Variants in MTFR1 observed in about 807,000 individuals in gnomAD.
MTFR1 encodes the protein chondrocyte protein with a poly-proline region.
Under a neutral mutation model 38.8 loss-of-function variants are expected in MTFR1, and 28 were observed. The ratio of observed to expected loss-of-function variants is 0.72; its 90% confidence interval spans 0.53 to 0.99. The LOEUF (loss-of-function observed/expected upper bound fraction) is 0.99. Among genes scored for constraint, MTFR1 ranks in the 50% least tolerant of loss-of-function variants. The pLI is 0.00. For missense variants in MTFR1, 358 were observed against 395.5 expected (o/e 0.91, Z 0.81); for synonymous variants, 145 against 137.0 (o/e 1.06, Z -0.41).
chr8:65,647,864 A>G (rs1024973957), intron 1 of MTFR1, among the ~76,000 whole-genome samples: 3 of 152,120 alleles, frequency 2.0e-5, no homozygotes, highest in Non-Finnish European at 4.4e-5. Flanking sequence ...GATGGGGAAA[A>G]GGTGATAACA....
At chr8:65,736,230 G>A (rs1807122670) in intron 3 of MTFR1, among the ~76,000 whole-genome samples, 2 of 152,128 alleles carry the variant, frequency 1.3e-5, no homozygotes, top group African/African-American at 4.8e-5. Context: ...ATACCAACAT[G>A]GCTGATCTGA....
In MTFR1 at chr8:65,670,095, T is replaced by C. The variant is rs953850582; in HGVS notation, c.66+77T>C. Reference sequence around the variant, plus strand: ...ATTTTTTCTGAGAAAATGAAATAAATCTATATATGACCAACATCTTGAATT... The same window carrying C: ...ATTTTTTCTGAGAAAATGAAATAAACCTATATATGACCAACATCTTGAATT... On this transcript the variant is annotated intron_variant, in intron 2 of 7. Transcript: ENST00000262146. 9 of 1,236,076 alleles carry C rather than the reference T, an allele frequency of 7.3e-6. No homozygotes were observed. In the South Asian group the frequency reaches 1.2e-4, roughly 17 times the overall value. 76.6% of individuals were successfully genotyped at this position (1,236,076 alleles called of 1,614,324 possible). A position where few individuals can be genotyped will look rare whatever the true frequency, so the allele number is the denominator to read the frequency against.
intron 3 of MTFR1, among the ~76,000 whole-genome samples, chr8:65,758,882 T>G (rs192371715): frequency 6.6e-6 from 1 of 152,290 alleles, no homozygotes; most frequent in Non-Finnish European, 1.5e-5. Context: ...CCAGCATCAG[T>G]CTCACTTGCC....
intron 3 of MTFR1, among the ~76,000 whole-genome samples, chr8:65,730,476 A>C (rs2128895237): frequency 1.3e-5 from 2 of 152,040 alleles, no homozygotes; most frequent in South Asian, 4.2e-4. Flanking sequence ...CACCAAGCCC[A>C]GCCAGCACAC....
chr8:65,644,725 G>A (rs564777760), upstream of MTFR1: 3 of 152,458 alleles, frequency 2.0e-5, no homozygotes, highest in Admixed American at 2.0e-4. Flanking sequence ...GCAACGCCAC[G>A]GGACAGCCAA....
chr8:65,735,157 G>A (rs568521713), intron 3 of MTFR1, among the ~76,000 whole-genome samples: 88 of 152,248 alleles, frequency 5.8e-4, no homozygotes, highest in Non-Finnish European at 1.1e-3. Flanking sequence ...CTACTTGACA[G>A]CCCTAGCAGC....
intron 1 of MTFR1, among the ~76,000 whole-genome samples, chr8:65,659,135 C>T (rs1809343773): frequency 6.6e-6 from 1 of 152,088 alleles, no homozygotes; most frequent in Non-Finnish European, 1.5e-5. Context: ...AGCAGGAGTC[C>T]ACCGTCTATG....
downstream of MTFR1, among the ~76,000 whole-genome samples, chr8:65,712,811 G>A (rs564081651): frequency 2.0e-5 from 3 of 152,304 alleles, no homozygotes; most frequent in African/African-American, 7.2e-5. Context: ...CTAACAGCCT[G>A]AGTGGACTAA....
chr8:65,669,976 A>G lies in MTFR1; in HGVS notation c.24A>G (p.Leu8=). The G allele has an allele frequency of 6.2e-7, 1 of 1,601,648 alleles. No individual in the cohort carries two copies. The change falls in exon 2 of 8, where the codon CTA becomes CTG. Residue 8 remains leucine (L), a synonymous_variant. Transcript: ENST00000262146. MLGWIKR[L]IRMVFQQVGV... ...AAATGCTTGGCTGGATTAAGCGCCT[A>G]ATTAGGATGGTTTTTCAACAAGTTG...
chr8:65,754,292 G>A (rs189517277), intron 3 of MTFR1, among the ~76,000 whole-genome samples: 2 of 152,014 alleles, frequency 1.3e-5, no homozygotes, highest in East Asian at 3.9e-4. Flanking sequence ...CAGCCCACTC[G>A]CTCAAATGTT....
intron 1 of MTFR1, among the ~76,000 whole-genome samples, chr8:65,660,604 C>T (rs1237016126): frequency 6.6e-6 from 1 of 152,202 alleles, no homozygotes; most frequent in African/African-American, 2.4e-5. Flanking sequence ...TTAGCTCTGT[C>T]GGCCTCCAGC....
At chr8:65,682,297 T>C in intron 2 of MTFR1, 56 bp from the exon 3 acceptor site, 1 of 841,652 alleles carries the variant, frequency 1.2e-6, no homozygotes, top group Non-Finnish European at 1.8e-6. Context: ...TAATGCTTTG[T>C]CTTAACAGTT....
intron 3 of MTFR1, 39 bp downstream of exon 3, chr8:65,682,490 G>T: frequency 9.3e-7 from 1 of 1,070,684 alleles, no homozygotes. Context: ...TTATTAATAT[G>T]TACATTAGAA....
intron 2 of MTFR1, chr8:65,719,173 GC>G (rs1806270632): frequency 1.5e-6 from 1 of 685,798 alleles, no homozygotes; most frequent in Admixed American, 2.3e-5. Context: ...AATAATGCTG[GC>G]TGGCATCACT....
intron 4 of MTFR1, among the ~76,000 whole-genome samples, chr8:65,700,488 C>T (rs919850559): frequency 6.6e-6 from 1 of 151,984 alleles, no homozygotes; most frequent in Non-Finnish European, 1.5e-5. Context: ...AAAGTAAGGC[C>T]TCATTGTTTT....
At chr8:65,662,054 C>CCT (rs1211939532) in intron 1 of MTFR1, among the ~76,000 whole-genome samples, 2 of 86,658 alleles carry the variant, frequency 2.3e-5, no homozygotes, top group Non-Finnish European at 5.1e-5. Flanking sequence ...TCTCTCTCTC[C>CCT]CTCTCTCTCT....
chr8:65,693,761 T>A lies in MTFR1; in HGVS notation c.281+2T>A. ...AGGAGAGTGTTCAGCAAGACTAAGG[T>A]TAGTTTGGAAGGCTATCAGAACTGA... On this transcript the variant is annotated splice_donor_variant, in intron 4 of 7. Transcript: ENST00000262146. LOFTEE classifies it high-confidence loss of function. 1 of 1,610,718 alleles carries A rather than the reference T, an allele frequency of 6.2e-7. No homozygotes were observed. Among genetic ancestry groups the A allele is most frequent in the East Asian group, 2.2e-5 (1 of 44,846 alleles).
chr8:65,720,536 G>A (rs1030633001), intron 3 of MTFR1: 1 of 154,106 alleles, frequency 6.5e-6, no homozygotes, highest in Non-Finnish European at 1.5e-5. Context: ...ATGGTCTGAT[G>A]GCTGAATTTT....
At chr8:65,714,139 C>A (rs7822627), downstream of MTFR1, among the ~76,000 whole-genome samples, 71,928 of 150,470 alleles carry the variant, frequency 0.48, 18,242 homozygotes, top group Non-Finnish European at 0.55. Context: ...TATTCTGTCA[C>A]CCAGACATGT....
Sources: gnomAD v4.1 joint callset for allele counts (sites outside exome capture counted in the v4.1 genomes callset) on GRCh38, gnomAD v4.1.1 for gene constraint, MANE v1.5 for transcripts, NCBI Gene and HGNC (gene_info 2026-07-23, HGNC 2026-07-21) for gene names.